The following PDZRN4 variants were observed in gnomAD, a reference collection of about 807,000 sequenced individuals.
PDZRN4 encodes the protein PDZ domain containing ring finger 4.
PDZRN4 carries 70 observed loss-of-function variants against 99.0 expected under a neutral mutation model. The ratio of observed to expected loss-of-function variants is 0.71; its 90% CI spans 0.58 to 0.86. PDZRN4 has a LOEUF of 0.86. Ranked by LOEUF, PDZRN4 falls within the 40% of genes least tolerant of loss-of-function variation. PDZRN4 has a pLI of 0.00. For synonymous variants in PDZRN4, 551 were observed against 501.6 expected, an observed-to-expected ratio of 1.10 and a Z score of -1.32; for missense variants, 1,474 against 1,331.2, an observed-to-expected ratio of 1.11 and a Z score of -1.67.
intron 3 of PDZRN4, among the ~76,000 whole-genome samples, chr12:41,375,069 C>T (rs1028792743): frequency 1.3e-5 from 2 of 152,154 alleles, no homozygotes; most frequent in Non-Finnish European, 2.9e-5. Flanking sequence ...ATGAAGGTCT[C>T]TAGCTAGCAG....
At chr12:41,414,989 G>C (rs781363863) in intron 3 of PDZRN4, among the ~76,000 whole-genome samples, 5 of 152,164 alleles carry the variant, frequency 3.3e-5, no homozygotes, top group Non-Finnish European at 5.9e-5. Context: ...ATGAGCTCAG[G>C]CTGGAAAGAG....
chr12:41,469,706 C>A (rs1218054124), intron 3 of PDZRN4, among the ~76,000 whole-genome samples: 1 of 152,008 alleles, frequency 6.6e-6, no homozygotes, highest in Non-Finnish European at 1.5e-5. Flanking sequence ...CCGAGGGGGG[C>A]CGATCACGAG....
At chr12:41,404,467 T>C (rs563464249) in intron 3 of PDZRN4, among the ~76,000 whole-genome samples, 3 of 152,156 alleles carry the variant, frequency 2.0e-5, no homozygotes, top group East Asian at 3.9e-4. Context: ...GAAAGCCCTA[T>C]ACAAGGAAAA....
At chr12:41,318,949 T>C (rs1467047554) in intron 3 of PDZRN4, among the ~76,000 whole-genome samples, 1 of 152,172 alleles carries the variant, frequency 6.6e-6, no homozygotes, top group African/African-American at 2.4e-5. Flanking sequence ...TAAAGTTCCT[T>C]GTACCATGTT....
chr12:41,465,756 G>A (rs549916772), intron 3 of PDZRN4, among the ~76,000 whole-genome samples: 1 of 152,334 alleles, frequency 6.6e-6, no homozygotes, highest in Admixed American at 6.5e-5. Context: ...GGAGCAGGAT[G>A]TGACGAATTT....
chr12:41,403,806 G>C (rs1289683150), intron 3 of PDZRN4, among the ~76,000 whole-genome samples: 2 of 151,798 alleles, frequency 1.3e-5, no homozygotes, highest in Non-Finnish European at 2.9e-5. Context: ...TTACTTTTTA[G>C]TACCAGGCAT....
chr12:41,416,523 C>A (rs1025059278), intron 3 of PDZRN4, among the ~76,000 whole-genome samples: 3 of 151,598 alleles, frequency 2.0e-5, no homozygotes, highest in Admixed American at 2.0e-4. Flanking sequence ...GGGGCAGTCA[C>A]CTGTAATCCT....
At chr12:41,351,432 G>C (rs1226390871) in intron 3 of PDZRN4, among the ~76,000 whole-genome samples, 2 of 152,060 alleles carry the variant, frequency 1.3e-5, no homozygotes, top group Non-Finnish European at 2.9e-5. Context: ...ACACACTTGA[G>C]ATTGGGTAAT....
At chr12:41,372,922 G>T (rs73126861) in intron 3 of PDZRN4, among the ~76,000 whole-genome samples, 8,441 of 152,188 alleles carry the variant, frequency 0.055, 301 homozygotes, top group East Asian at 0.15. Flanking sequence ...GATATTTCAC[G>T]TAGTTTGTCT....
At chr12:41,567,694 A>T in intron 8 of PDZRN4, 89 bp from the exon 9 acceptor site, 1 of 629,702 alleles carries the variant, frequency 1.6e-6, no homozygotes. Context: ...GATAAAAGGA[A>T]CTCGTCGGGC....
chr12:41,572,337 T>C lies in PDZRN4; in HGVS notation c.1585-27T>C, dbSNP rs73282257. ...ATGTCTTCCAAAATCATTAATTTTC[T>C]TTGTTCTTTCAACATCATTTTCTTA... On this transcript the variant is annotated intron_variant, in intron 9 of 9. Transcript: ENST00000402685. 15,597 of 1,552,844 alleles carry C rather than the reference T, an allele frequency of 0.01. 1,364 individuals are homozygous for C. In the African/African-American group the frequency reaches 0.19, roughly 19 times the overall value.
At chr12:41,571,993 C>G (rs1167668845) in intron 9 of PDZRN4, among the ~76,000 whole-genome samples, 9 of 152,170 alleles carry the variant, frequency 5.9e-5, no homozygotes. Context: ...TTTAGACATT[C>G]TGTCTTATTC....
At chr12:41,571,376 T>TCTCTCACACACACACACA (rs1303597271) in intron 9 of PDZRN4, among the ~76,000 whole-genome samples, 2 of 65,514 alleles carry the variant, frequency 3.1e-5, no homozygotes, top group African/African-American at 9.9e-5. Flanking sequence ...TCTCTCTCTC[T>TCTCTCACACACACACACA]CACACACACA....
intron 3 of PDZRN4, among the ~76,000 whole-genome samples, chr12:41,220,219 C>T (rs1357816558): frequency 1.3e-5 from 2 of 152,060 alleles, no homozygotes; most frequent in South Asian, 4.1e-4. Flanking sequence ...AGTCCAAGAT[C>T]AAGTGTCGGC....
intron 3 of PDZRN4, among the ~76,000 whole-genome samples, chr12:41,247,897 A>T (rs549128421): frequency 6.6e-6 from 1 of 152,338 alleles, no homozygotes; most frequent in East Asian, 1.9e-4. Context: ...TACTTGGGAC[A>T]TGCATACAAT....
intron 5 of PDZRN4, among the ~76,000 whole-genome samples, chr12:41,535,009 G>T (rs1021233436): frequency 1.3e-5 from 2 of 150,814 alleles, no homozygotes; most frequent in Admixed American, 6.7e-5. Context: ...CCCTCCTCAG[G>T]TATGTCCAAC....
chr12:41,410,424 A>G (rs1952388521), intron 3 of PDZRN4, among the ~76,000 whole-genome samples: 1 of 152,228 alleles, frequency 6.6e-6, no homozygotes, highest in South Asian at 2.1e-4. Flanking sequence ...GCCTTTAAAT[A>G]TAAGCTGCAA....
At chr12:41,232,659 A>C (rs1476196715) in intron 3 of PDZRN4, among the ~76,000 whole-genome samples, 1 of 151,904 alleles carries the variant, frequency 6.6e-6, no homozygotes, top group Non-Finnish European at 1.5e-5. Context: ...TGCTGTGCAG[A>C]AGCTCTTTAG....
chr12:41,378,144 C>CGA (rs1369767892), intron 3 of PDZRN4, among the ~76,000 whole-genome samples: 1 of 152,122 alleles, frequency 6.6e-6, no homozygotes, highest in Non-Finnish European at 1.5e-5. Flanking sequence ...TGTTGATGTA[C>CGA]ATTCATTCTA....
Sources: gnomAD v4.1 joint callset for allele counts (sites outside exome capture counted in the v4.1 genomes callset) on GRCh38, gnomAD v4.1.1 for gene constraint, MANE v1.5 for transcripts, NCBI Gene and HGNC (gene_info 2026-07-23, HGNC 2026-07-21) for gene names.